The following KRABD5 variants were observed in gnomAD, a reference collection of about 807,000 sequenced individuals.
KRABD5 encodes the protein KRAB domain-containing protein 5.
At chr16:31,758,019 G>A in the KRABD5 span, 1 of 152,172 alleles carries the variant, frequency 6.6e-6, no homozygotes, top group Admixed American at 6.6e-5. Context: ...AACTCTTGAG[G>A]GCCAAGAACT....
At chr16:31,750,932 G>A in the KRABD5 span, among the ~76,000 whole-genome samples, 3 of 152,200 alleles carry the variant, frequency 2.0e-5, no homozygotes, top group Admixed American at 2.0e-4. Context: ...GCTAATTTTT[G>A]TATTTTTAGT....
the KRABD5 span, among the ~76,000 whole-genome samples, chr16:31,731,998 C>T: frequency 4.6e-5 from 7 of 152,290 alleles, no homozygotes; most frequent in South Asian, 1.0e-3. Flanking sequence ...GATCTTCAGG[C>T]CTGTCACCTG....
the KRABD5 span, among the ~76,000 whole-genome samples, chr16:31,746,846 A>G: frequency 6.6e-6 from 1 of 151,856 alleles, no homozygotes; most frequent in Non-Finnish European, 1.5e-5. Context: ...TCTTGTCTGC[A>G]TGCCTTATTT....
the KRABD5 span, chr16:31,759,000 G>T: frequency 5.6e-6 from 1 of 177,222 alleles, no homozygotes; most frequent in Non-Finnish European, 1.2e-5. Context: ...TTATATTTAA[G>T]ACAGTATAGT....
the KRABD5 span, among the ~76,000 whole-genome samples, chr16:31,742,109 CTA>C: frequency 6.6e-6 from 1 of 151,104 alleles, no homozygotes; most frequent in Non-Finnish European, 1.5e-5. Context: ...GTGTGTGCCT[CTA>C]TTTATTTCTG....
chr16:31,748,291 A>C, the KRABD5 span, among the ~76,000 whole-genome samples: 1 of 152,204 alleles, frequency 6.6e-6, no homozygotes, highest in Non-Finnish European at 1.5e-5. Flanking sequence ...GTCAAAGATC[A>C]GATAGTTGTA....
At chr16:31,722,412 C>T in the KRABD5 span, among the ~76,000 whole-genome samples, 2 of 152,206 alleles carry the variant, frequency 1.3e-5, no homozygotes, top group African/African-American at 2.4e-5. Context: ...GGCATAGTAT[C>T]TACACTGGTT....
chr16:31,722,576 G>A, the KRABD5 span: 1 of 1,597,468 alleles, frequency 6.3e-7, no homozygotes, highest in Non-Finnish European at 8.5e-7. Flanking sequence ...GTCAAGTGAT[G>A]AACTCTGCCC....
chr16:31,734,903 T>C, the KRABD5 span, among the ~76,000 whole-genome samples: 7 of 151,886 alleles, frequency 4.6e-5, no homozygotes, highest in Non-Finnish European at 1.0e-4. Flanking sequence ...TGCACCACCA[T>C]GCCCAGCTAA....
At chr16:31,740,054 C>T in the KRABD5 span, among the ~76,000 whole-genome samples, 52 of 152,332 alleles carry the variant, frequency 3.4e-4, 1 homozygote, top group Middle Eastern at 6.8e-3. Flanking sequence ...ATGCTTATCA[C>T]TGGCTTGCTG....
the KRABD5 span, chr16:31,714,392 C>T: frequency 2.2e-6 from 1 of 456,262 alleles, no homozygotes. Context: ...ACTGGCTGGG[C>T]ACCTGCTCCT....
chr16:31,720,148 C>T, the KRABD5 span, among the ~76,000 whole-genome samples: 1 of 152,230 alleles, frequency 6.6e-6, no homozygotes, highest in Non-Finnish European at 1.5e-5. Context: ...GTAAACACTG[C>T]TTTAATGCAT....
the KRABD5 span, among the ~76,000 whole-genome samples, chr16:31,738,246 A>G: frequency 6.6e-6 from 1 of 152,008 alleles, no homozygotes; most frequent in Non-Finnish European, 1.5e-5. Context: ...CTGTTTCCTT[A>G]TTGATCTTTT....
the KRABD5 span, among the ~76,000 whole-genome samples, chr16:31,738,843 T>C: frequency 7.2e-5 from 11 of 152,302 alleles, no homozygotes; most frequent in East Asian, 1.7e-3. Context: ...GTATCTATTA[T>C]AGGTACTTGC....
the KRABD5 span, chr16:31,755,582 C>T: frequency 4.9e-5 from 23 of 467,102 alleles, no homozygotes; most frequent in Non-Finnish European, 7.9e-5. Context: ...CTCCTTTAAC[C>T]GGTCTTCAAA....
At chr16:31,739,439 C>A in the KRABD5 span, among the ~76,000 whole-genome samples, 1 of 151,968 alleles carries the variant, frequency 6.6e-6, no homozygotes. Context: ...ATGGGCCTTG[C>A]ATATGCCAAG....
chr16:31,721,011 A>T, the KRABD5 span, among the ~76,000 whole-genome samples: 1 of 152,224 alleles, frequency 6.6e-6, no homozygotes, highest in Non-Finnish European at 1.5e-5. Context: ...TTTCAGAGAA[A>T]GATAACAACA....
chr16:31,751,084 A>C, the KRABD5 span, among the ~76,000 whole-genome samples: 1 of 152,180 alleles, frequency 6.6e-6, no homozygotes, highest in African/African-American at 2.4e-5. Context: ...CTATATGGTG[A>C]ATCACATTTT....
the KRABD5 span, among the ~76,000 whole-genome samples, chr16:31,736,210 G>C: frequency 6.6e-6 from 1 of 152,100 alleles, no homozygotes; most frequent in African/African-American, 2.4e-5. Flanking sequence ...GTCAGCTTTA[G>C]GAGCATGAAT....
Sources: gnomAD v4.1 joint callset for allele counts (sites outside exome capture counted in the v4.1 genomes callset) on GRCh38, gnomAD v4.1.1 for gene constraint, MANE v1.5 for transcripts, NCBI Gene and HGNC (gene_info 2026-07-23, HGNC 2026-07-21) for gene names.